Variants in ACYP2 observed in about 807,000 individuals in gnomAD.
ACYP2 encodes the protein acylphosphatase 2, also known as acylphosphatase-2.
Under a neutral mutation model 11.2 loss-of-function variants are expected in ACYP2, and 12 were observed. That is an observed-to-expected ratio of 1.08 (90% CI 0.69 to 1.74). The LOEUF (loss-of-function observed/expected upper bound fraction) is 1.74, where lower values mean the gene tolerates loss of function less well. Among genes scored for constraint, ACYP2 ranks in the 40% most tolerant of loss-of-function variants. The pLI is 0.00. For missense variants in ACYP2, 134 were observed against 101.9 expected (o/e 1.31, Z -1.35); for synonymous variants, 43 against 32.2 (o/e 1.33, Z -1.13).
At chr2:54,023,347 G>T (rs1192359078) in intron 2 of ACYP2, among the ~76,000 whole-genome samples, 2 of 152,120 alleles carry the variant, frequency 1.3e-5, no homozygotes, top group African/African-American at 4.8e-5. Context: ...TAAGAGAGGG[G>T]TCTCCCTATG....
chr2:54,174,788 G>T (rs562254917), intron 6 of ACYP2, among the ~76,000 whole-genome samples: 57 of 152,212 alleles, frequency 3.7e-4, no homozygotes, highest in African/African-American at 1.3e-3. Flanking sequence ...ATAATCATGT[G>T]GTTTTTGTCT....
At chr2:54,227,000 G>A (rs1426979868) in intron 6 of ACYP2, among the ~76,000 whole-genome samples, 1 of 152,154 alleles carries the variant, frequency 6.6e-6, no homozygotes. Context: ...CTATGGAATT[G>A]GGTAAGAACT....
In ACYP2 at chr2:54,276,279, C is replaced by T. The variant is rs145845757; in HGVS notation, c.405-28409C>T. Among the ~76,000 whole-genome samples the T allele has an allele frequency of 3.6e-3, 546 of 152,268 alleles. 11 individuals carry two copies. The highest frequency in any genetic ancestry group is 2.5e-3 in the East Asian group (13 of 5,188). On this transcript the variant is annotated intron_variant, in intron 6 of 6. Transcript: ENST00000607452. ...CATATTTTAGTTAATAAAAGTCTCT[C>T]ACTCAAAATGTCTGGTGTCTCCATG...
intron 2 of ACYP2, among the ~76,000 whole-genome samples, chr2:54,014,239 G>A (rs1673556266): frequency 1.3e-5 from 2 of 152,030 alleles, no homozygotes; most frequent in African/African-American, 4.8e-5. Flanking sequence ...CAGTTTCTGT[G>A]GTTTTCCTTC....
chr2:54,256,318 CGA>C, intron 6 of ACYP2: 2 of 690,492 alleles, frequency 2.9e-6, no homozygotes, highest in Non-Finnish European at 4.9e-6. Flanking sequence ...CTCAGTCTCG[CGA>C]GTCTGTGGTG....
chr2:54,238,107 T>C (rs1052312198), intron 6 of ACYP2, among the ~76,000 whole-genome samples: 1 of 152,242 alleles, frequency 6.6e-6, no homozygotes. Context: ...TGTGGCCTTA[T>C]CAGAGAGGCT....
chr2:54,153,070 G>A (rs187663496), intron 6 of ACYP2, among the ~76,000 whole-genome samples: 1 of 151,982 alleles, frequency 6.6e-6, no homozygotes, highest in African/African-American at 2.4e-5. Context: ...TTCCCCCTAT[G>A]TTTTCTTATA....
intron 4 of ACYP2, among the ~76,000 whole-genome samples, chr2:54,070,799 C>T (rs914650831): frequency 1.3e-5 from 2 of 150,150 alleles, no homozygotes; most frequent in Non-Finnish European, 2.9e-5. Flanking sequence ...TGCAGTGGCA[C>T]GATTATGGCT....
At chr2:54,217,689 A>C (rs867413955) in intron 6 of ACYP2, among the ~76,000 whole-genome samples, 7 of 152,094 alleles carry the variant, frequency 4.6e-5, no homozygotes, top group Non-Finnish European at 7.4e-5. Flanking sequence ...TTTCACTATT[A>C]ATTATTTATT....
chr2:54,091,003 T>C (rs1678194833), intron 4 of ACYP2, among the ~76,000 whole-genome samples: 1 of 152,218 alleles, frequency 6.6e-6, no homozygotes, highest in Non-Finnish European at 1.5e-5. Flanking sequence ...AACGCTGACA[T>C]AATTGTTGAT....
chr2:54,035,271 T>C (rs1224507437), intron 2 of ACYP2, among the ~76,000 whole-genome samples: 35 of 146,380 alleles, frequency 2.4e-4, no homozygotes, highest in Admixed American at 8.1e-4. Context: ...TTTTCTTTTT[T>C]TTTTTTTTTT....
At chr2:54,276,003 A>T (rs1472461661) in intron 6 of ACYP2, among the ~76,000 whole-genome samples, 1 of 152,154 alleles carries the variant, frequency 6.6e-6, no homozygotes, top group Non-Finnish European at 1.5e-5. Flanking sequence ...AAAAAAGTTG[A>T]AACTAGAACT....
chr2:54,100,799 T>C (rs1347193024), intron 4 of ACYP2, among the ~76,000 whole-genome samples: 3 of 152,220 alleles, frequency 2.0e-5, no homozygotes, highest in Non-Finnish European at 4.4e-5. Context: ...GGAAAGTACC[T>C]GGTATTTTCA....
intron 6 of ACYP2, among the ~76,000 whole-genome samples, chr2:54,232,856 C>A (rs2103969594): frequency 6.6e-6 from 1 of 152,256 alleles, no homozygotes; most frequent in South Asian, 2.1e-4. Flanking sequence ...CCCCAAGATG[C>A]AGTCACCTCC....
intron 2 of ACYP2, among the ~76,000 whole-genome samples, chr2:54,012,670 G>C (rs986017235): frequency 6.6e-6 from 1 of 152,144 alleles, no homozygotes; most frequent in African/African-American, 2.4e-5. Flanking sequence ...TTACTCGTCT[G>C]ATCTACAGTC....
At chr2:54,197,942 ATATTGTATTG>A (rs141209640) in intron 6 of ACYP2, among the ~76,000 whole-genome samples, 5,444 of 68,838 alleles carry the variant, frequency 0.079, 322 homozygotes, top group Admixed American at 0.094. Context: ...TGTATGTATT[ATATTGTATTG>A]TATTGTATTG....
intron 2 of ACYP2, among the ~76,000 whole-genome samples, chr2:54,001,574 A>G (rs974583733): frequency 6.6e-6 from 1 of 152,004 alleles, no homozygotes; most frequent in Non-Finnish European, 1.5e-5. Context: ...TTGTATTTTT[A>G]GTAGAGATAG....
chr2:54,201,678 C>CTTTT (rs797005111), intron 6 of ACYP2, among the ~76,000 whole-genome samples: 1 of 97,886 alleles, frequency 1.0e-5, no homozygotes. Context: ...TTCTTTCTTT[C>CTTTT]TTTCTCTCTC....
chr2:54,222,731 G>A (rs577036195), intron 6 of ACYP2, among the ~76,000 whole-genome samples: 7 of 152,072 alleles, frequency 4.6e-5, no homozygotes, highest in East Asian at 1.9e-4. Context: ...GAAGCTGTCC[G>A]TACAATTTCT....
Sources: allele counts gnomAD v4.1 joint callset (sites outside exome capture counted in the v4.1 genomes callset), GRCh38; gene constraint gnomAD v4.1.1; transcripts MANE v1.5; gene names NCBI Gene and HGNC (gene_info 2026-07-23, HGNC 2026-07-21).